LZTFL1: variants seen among roughly 807,000 people sequenced by gnomAD.
The protein encoded by LZTFL1 is leucine zipper transcription factor like 1.
LZTFL1 carries 25 observed loss-of-function variants against 45.9 expected under a neutral mutation model. That is an observed-to-expected ratio of 0.54 (90% CI 0.40 to 0.76). LZTFL1 has a LOEUF of 0.76. Among genes scored for constraint, LZTFL1 ranks in the 30% least tolerant of loss-of-function variants. The pLI is 0.00. For synonymous variants in LZTFL1, 93 were observed against 117.4 expected (o/e 0.79, Z 1.35); for missense variants, 277 against 331.1 (o/e 0.84, Z 1.27).
intron 2 of LZTFL1, among the ~76,000 whole-genome samples, chr3:45,865,823 G>A (rs1211098150): frequency 2.0e-5 from 3 of 152,208 alleles, no homozygotes; most frequent in African/African-American, 7.2e-5. Flanking sequence ...AGAAATATAT[G>A]TTCCTGCAAA....
Position 45,901,947 on chromosome 3 carries a change from A to G in LZTFL1, c.-215+11173T>C. 1 of 1,475,972 alleles carries G rather than the reference A, an allele frequency of 6.8e-7. No homozygotes were observed. Among genetic ancestry groups the G allele is most frequent in the Non-Finnish European group, 9.1e-7 (1 of 1,094,486 alleles). 91.4% of individuals were successfully genotyped at this position (1,475,972 alleles called of 1,614,324 possible). A position where few individuals can be genotyped will look rare whatever the true frequency, so the allele number is the denominator to read the frequency against. On this transcript the variant is annotated intron_variant, in intron 2 of 4. Transcript: ENST00000472635. This position sits in a 1 kb window ranked among gnomAD's most constrained non-coding sequence, Gnocchi z 4.3. ...TTCTTTTGGAAGAAATGAGAAATAC[A>G]GAAACAGTTTCCCCACTGATGGGAC...
Position 45,827,231 on chromosome 3 carries a change from G to T in LZTFL1, c.881+125C>A, listed in dbSNP as rs537370219. On this transcript the variant is annotated intron_variant, in intron 9 of 9. Transcript: ENST00000296135. ...AGCTCCTCCACTTTCCTCAAATGAA[G>T]GCTTCTGGACTAAATGATCCAGCAA... The T allele has an allele frequency of 3.8e-5, 28 of 728,102 alleles. No homozygotes were observed. In the African/African-American group the frequency reaches 4.8e-4, roughly 13 times the overall value. The allele number at this position is 728,102 out of a possible 1,614,324, so 45.1% of individuals were successfully genotyped here.
At chr3:45,842,571 A>G (rs150890889), upstream of LZTFL1, among the ~76,000 whole-genome samples, 1,407 of 152,232 alleles carry the variant, frequency 9.2e-3, 27 homozygotes, top group African/African-American at 0.032. Flanking sequence ...TAGAGCTTCA[A>G]ACGACCCCTC....
chr3:45,832,811 T>G, intron 5 of LZTFL1: 1 of 376,252 alleles, frequency 2.7e-6, no homozygotes, highest in South Asian at 5.2e-5. Context: ...CAATAAACGC[T>G]GTCCAAAATT....
chr3:45,883,303 G>A (rs1701895884), intron 2 of LZTFL1, among the ~76,000 whole-genome samples: 1 of 152,206 alleles, frequency 6.6e-6, no homozygotes, highest in African/African-American at 2.4e-5. Context: ...TGTAGTAATA[G>A]TAATAAAGCT....
At chr3:45,836,280 T>C (rs1257859728) in intron 2 of LZTFL1, among the ~76,000 whole-genome samples, 1 of 152,064 alleles carries the variant, frequency 6.6e-6, no homozygotes, top group Non-Finnish European at 1.5e-5. Context: ...AAAATAATAA[T>C]AATAATAAAA....
At chr3:45,860,501 G>C (rs529713005) in intron 2 of LZTFL1, among the ~76,000 whole-genome samples, 2 of 151,780 alleles carry the variant, frequency 1.3e-5, no homozygotes, top group East Asian at 3.9e-4. Context: ...GGTGAAAGTA[G>C]TAACACCAGC....
At chr3:45,830,757 T>C (rs534293113) in intron 7 of LZTFL1, among the ~76,000 whole-genome samples, 156 bp downstream of exon 7, 3 of 152,270 alleles carry the variant, frequency 2.0e-5, no homozygotes, top group East Asian at 3.9e-4. Flanking sequence ...ACCAGGCCTT[T>C]TGGGGGCAAG....
intron 4 of LZTFL1, among the ~76,000 whole-genome samples, chr3:45,849,267 A>T (rs1362328305): frequency 6.6e-6 from 1 of 152,190 alleles, no homozygotes; most frequent in Non-Finnish European, 1.5e-5. Flanking sequence ...GGATTAGCAA[A>T]TGTTAGCCTG....
intron 4 of LZTFL1, among the ~76,000 whole-genome samples, chr3:45,847,945 G>GTGTC (rs907357314): frequency 6.6e-6 from 1 of 152,090 alleles, no homozygotes; most frequent in African/African-American, 2.4e-5. Flanking sequence ...TTTCTTAGTG[G>GTGTC]TGTCTTGAAA....
At chr3:45,843,098 C>T (rs187752426), upstream of LZTFL1, among the ~76,000 whole-genome samples, 135 of 152,286 alleles carry the variant, frequency 8.9e-4, no homozygotes, top group African/African-American at 3.0e-3. Context: ...TGGGTATGCC[C>T]AACTTCAGCT....
At chr3:45,910,248 G>A (rs144395954) in intron 2 of LZTFL1, among the ~76,000 whole-genome samples, 41 of 152,296 alleles carry the variant, frequency 2.7e-4, no homozygotes, top group Non-Finnish European at 5.0e-4. Context: ...AAAGATGGTG[G>A]TGGCGGAGTT....
At chr3:45,876,889 T>A (rs1290510823) in intron 2 of LZTFL1, among the ~76,000 whole-genome samples, 3 of 152,068 alleles carry the variant, frequency 2.0e-5, no homozygotes, top group Non-Finnish European at 2.9e-5. Context: ...CCTGGCTGGG[T>A]TAGTCACAGG....
chr3:45,904,192 C>A (rs1692983060), intron 2 of LZTFL1, among the ~76,000 whole-genome samples: 1 of 152,098 alleles, frequency 6.6e-6, no homozygotes, highest in African/African-American at 2.4e-5. Context: ...GGGGTAGGAA[C>A]AATATAATGA....
chr3:45,891,880 A>T (rs1702190014), intron 2 of LZTFL1, among the ~76,000 whole-genome samples: 1 of 151,960 alleles, frequency 6.6e-6, no homozygotes, highest in African/African-American at 2.4e-5. Flanking sequence ...TCATTCTTTG[A>T]TTTAGGTTGA....
In LZTFL1 at chr3:45,901,302, A is replaced by T; in HGVS notation, c.-215+11818T>A. On this transcript the variant is annotated intron_variant, in intron 2 of 4. Transcript: ENST00000472635. This position sits in a 1 kb window ranked among gnomAD's most constrained non-coding sequence, Gnocchi z 4.3. Reference sequence around the variant, plus strand: ...GTACAGCAAAATGGTTTGCTTTACCATCTGGGTATTGGCAGCTGCTCTCTG... The same window carrying T: ...GTACAGCAAAATGGTTTGCTTTACCTTCTGGGTATTGGCAGCTGCTCTCTG... 6.2e-7 allele frequency: 1 copy of T among 1,614,222 alleles called. No homozygotes were observed. Among genetic ancestry groups the T allele is most frequent in the Non-Finnish European group, 8.5e-7 (1 of 1,180,038 alleles).
At chr3:45,834,376 G>T in intron 3 of LZTFL1, 78 bp from the exon 4 acceptor site, 1 of 907,336 alleles carries the variant, frequency 1.1e-6, no homozygotes, top group Non-Finnish European at 1.7e-6. Context: ...AAAATCACTG[G>T]TACCAACCCA....
rs746937637 is a variant in LZTFL1, at chr3:45,837,972, C to T, written c.83G>A (p.Arg28Lys). 1.9e-6 allele frequency: 3 copies of T among 1,613,682 alleles called. No homozygotes were observed. The highest frequency in any genetic ancestry group is 1.7e-5 in the Admixed American group (1 of 59,908). Residue 28 changes from arginine to lysine, a missense_variant, in exon 2 of 10, where the codon AGA (arginine) becomes AAA (lysine). By Grantham distance (26) the Arg-to-Lys change is conservative. Coordinates refer to ENST00000296135, the MANE Select transcript of LZTFL1 (RefSeq NM_020347.4). The part of the protein sequence containing the change: ...MRFARSKRGL[R>K]LKTVDSCFQD... The stretch of plus-strand genomic sequence containing the variant: ...GAAGCAGGAATCTACAGTTTTGAGT[C>T]TCAAGCCTCTCTTTGAACGAGCAAA...
At chr3:45,875,500 A>G (rs1701736115) in intron 2 of LZTFL1, among the ~76,000 whole-genome samples, 1 of 152,134 alleles carries the variant, frequency 6.6e-6, no homozygotes, top group Non-Finnish European at 1.5e-5. Flanking sequence ...CTGAGTTTCA[A>G]TTTCATTGTC....
Sources: gnomAD v4.1 joint callset for allele counts (sites outside exome capture counted in the v4.1 genomes callset) on GRCh38, gnomAD v4.1.1 for gene constraint, Gnocchi (gnomAD v3.1) non-coding constraint, MANE v1.5 for transcripts, NCBI Gene and HGNC (gene_info 2026-07-23, HGNC 2026-07-21) for gene names.